The following FRMD3 variants were observed in gnomAD, a reference collection of about 807,000 sequenced individuals.
FRMD3 encodes the protein FERM domain-containing protein 3.
FRMD3 carries 33 observed loss-of-function variants against 70.2 expected under a neutral mutation model. That is an observed-to-expected ratio of 0.47 (90% CI 0.36 to 0.63). The LOEUF (loss-of-function observed/expected upper bound fraction) is 0.63. FRMD3 is among the 20% of genes least tolerant of loss of function. The pLI is 0.00. For missense variants in FRMD3, 632 were observed against 711.4 expected, an observed-to-expected ratio of 0.89 and a Z score of 1.27; for synonymous variants, 279 against 255.9, an observed-to-expected ratio of 1.09 and a Z score of -0.86.
intron 13 of FRMD3, among the ~76,000 whole-genome samples, chr9:83,271,465 A>G (rs977196629): frequency 1.3e-5 from 2 of 152,206 alleles, no homozygotes; most frequent in African/African-American, 2.4e-5. Flanking sequence ...ATTCTTGGGT[A>G]TACAGTAAAA....
chr9:83,447,168 C>T (rs1454677286), intron 1 of FRMD3, among the ~76,000 whole-genome samples: 1 of 152,152 alleles, frequency 6.6e-6, no homozygotes, highest in Admixed American at 6.5e-5. Context: ...GGATTACAGG[C>T]ATGCGCCACC....
the FRMD3 span, among the ~76,000 whole-genome samples, chr9:83,581,244 C>A: frequency 6.6e-6 from 1 of 151,780 alleles, no homozygotes; most frequent in Non-Finnish European, 1.5e-5. Context: ...AATTGTATAC[C>A]AAGTATATAA....
At chr9:83,453,547 C>T (rs1587868589) in intron 1 of FRMD3, among the ~76,000 whole-genome samples, 1 of 152,028 alleles carries the variant, frequency 6.6e-6, no homozygotes, top group East Asian at 1.9e-4. Flanking sequence ...AATTTAGCAT[C>T]CTACTGAAGA....
Position 83,245,128 on chromosome 9 carries a change from A to T in FRMD3, c.*2790T>A. On this transcript the variant is annotated 3_prime_UTR_variant, in exon 14 of 14. Transcript: ENST00000304195. ...ATCTCAAATTCCTCAATTAGGGCAA[A>T]ATAAGCACAATTATGCATGAGGGGC... The T allele has an allele frequency of 2.0e-6, 2 of 985,364 alleles. No homozygotes were observed. The highest frequency in any genetic ancestry group is 2.4e-6 in the Non-Finnish European group (2 of 829,854). 61.0% of individuals were successfully genotyped at this position (985,364 alleles called of 1,614,324 possible).
At chr9:83,506,029 C>T (rs1323735567) in intron 1 of FRMD3, among the ~76,000 whole-genome samples, 2 of 152,158 alleles carry the variant, frequency 1.3e-5, no homozygotes, top group Admixed American at 6.5e-5. Context: ...ACACCCACCA[C>T]GCAGCTGGTC....
intron 1 of FRMD3, among the ~76,000 whole-genome samples, chr9:83,449,012 G>A (rs116457212): frequency 0.014 from 2,162 of 152,234 alleles, 58 homozygotes; most frequent in African/African-American, 0.05. Context: ...GTTTGAGAGT[G>A]GACAGCTTGC....
chr9:83,476,019 C>A (rs1828387785), intron 1 of FRMD3, among the ~76,000 whole-genome samples: 1 of 152,178 alleles, frequency 6.6e-6, no homozygotes, highest in Non-Finnish European at 1.5e-5. Flanking sequence ...ATGCAATATA[C>A]ATCTATTTCA....
In FRMD3 at chr9:83,372,970, A is replaced by T. The variant is rs764851079; in HGVS notation, c.253-15T>A. 6 of 1,610,156 alleles carry T rather than the reference A, an allele frequency of 3.7e-6. No individual in the cohort carries two copies. The East Asian group carries it at 1.1e-4, about 30-fold the overall frequency. ...TCAAGCCAGTGCTAGGGAGGAAAAA[A>T]AAAAAAGCAGAGATCAGGGGTCAAA... On this transcript the variant is annotated splice_polypyrimidine_tract_variant and intron_variant, in intron 2 of 13. Transcript: ENST00000304195.
At chr9:83,426,144 C>T (rs1005638310) in intron 1 of FRMD3, among the ~76,000 whole-genome samples, 14 of 152,218 alleles carry the variant, frequency 9.2e-5, no homozygotes, top group African/African-American at 3.4e-4. Flanking sequence ...CAAAACTAAC[C>T]CCCAACTCTC....
intron 1 of FRMD3, among the ~76,000 whole-genome samples, chr9:83,406,404 T>C (rs1826104798): frequency 6.6e-6 from 1 of 152,194 alleles, no homozygotes; most frequent in African/African-American, 2.4e-5. Flanking sequence ...GTAGCCTTAC[T>C]CCGGGTCTCC....
At chr9:83,270,165 C>T (rs1833485088) in intron 13 of FRMD3, among the ~76,000 whole-genome samples, 1 of 152,184 alleles carries the variant, frequency 6.6e-6, no homozygotes, top group Admixed American at 6.5e-5. Context: ...GTTCCTGTTT[C>T]AATTCATTTG....
chr9:83,282,536 T>C (rs1488215514), intron 13 of FRMD3, among the ~76,000 whole-genome samples: 1 of 76,070 alleles, frequency 1.3e-5, no homozygotes, highest in African/African-American at 3.1e-5. Flanking sequence ...GCCACAGTCT[T>C]GGATTTTTTT....
In FRMD3 at chr9:83,443,098, A is replaced by G. The variant is rs752602279; in HGVS notation, c.148-53390T>C. Reference sequence around the variant, plus strand: ...ATCACTGTATGGGGAATCATAAATGATTCTTATTATCTTTCACTTTTTTTG... The same window carrying G: ...ATCACTGTATGGGGAATCATAAATGGTTCTTATTATCTTTCACTTTTTTTG... On this transcript the variant is annotated intron_variant, in intron 1 of 13. Transcript: ENST00000304195. 4.5e-4 allele frequency among the ~76,000 whole-genome samples: 68 copies of G among 152,130 alleles called. 1 individual carries two copies. Among genetic ancestry groups the G allele is most frequent in the Admixed American group, 1.9e-3 (29 of 15,262 alleles).
intron 12 of FRMD3, among the ~76,000 whole-genome samples, chr9:83,291,484 C>G (rs934572724): frequency 3.9e-5 from 6 of 152,254 alleles, no homozygotes; most frequent in Admixed American, 2.6e-4. Context: ...CTGTCAAAAC[C>G]AAAACCAGTG....
chr9:83,323,216 AATAG>A (rs768147488), intron 6 of FRMD3, among the ~76,000 whole-genome samples: 4 of 152,258 alleles, frequency 2.6e-5, no homozygotes, highest in Non-Finnish European at 4.4e-5. Flanking sequence ...TGCACCAAGA[AATAG>A]ATAGAATTTT....
chr9:83,290,785 A>G (rs747777401), intron 12 of FRMD3, 58 bp from the exon 13 acceptor site: 12 of 1,542,584 alleles, frequency 7.8e-6, no homozygotes, highest in Non-Finnish European at 1.0e-5. Context: ...TGGCCCCTCC[A>G]TCTCAGCGGG....
chr9:83,546,890 CAA>C, the FRMD3 span, among the ~76,000 whole-genome samples: 47 of 64,138 alleles, frequency 7.3e-4, 2 homozygotes, highest in Non-Finnish European at 1.1e-3. Flanking sequence ...GACTCTGTCT[CAA>C]AAAAAAAAAA....
chr9:83,388,380 C>T (rs1294222626), intron 2 of FRMD3, among the ~76,000 whole-genome samples: 2 of 152,060 alleles, frequency 1.3e-5, no homozygotes, highest in Non-Finnish European at 2.9e-5. Flanking sequence ...GCAGAGGGGT[C>T]CTATCCCCAC....
chr9:83,538,744 C>G (rs955440300), upstream of FRMD3, among the ~76,000 whole-genome samples: 1 of 152,210 alleles, frequency 6.6e-6, no homozygotes, highest in African/African-American at 2.4e-5. This position sits in a 1 kb window ranked among gnomAD's most constrained non-coding sequence, Gnocchi z 4.7. Flanking sequence ...TTGTGCTCGT[C>G]CCGGCCCCGG....
Sources: allele counts gnomAD v4.1 joint callset (sites outside exome capture counted in the v4.1 genomes callset), GRCh38; gene constraint gnomAD v4.1.1; non-coding constraint Gnocchi (gnomAD v3.1); transcripts MANE v1.5; gene names NCBI Gene and HGNC (gene_info 2026-07-23, HGNC 2026-07-21).